Variants in MED23 observed in about 807,000 individuals in gnomAD.
MED23 encodes the protein mediator complex subunit 23.
MED23 carries 105 observed loss-of-function variants against 163.9 expected under a neutral mutation model. The ratio of observed to expected loss-of-function variants is 0.64; its 90% confidence interval spans 0.55 to 0.75. MED23 has a LOEUF of 0.75. Ranked by LOEUF, MED23 falls within the 30% of genes least tolerant of loss-of-function variation. The pLI is 0.00. For missense variants in MED23, 1,054 were observed against 1,649.0 expected (o/e 0.64, Z 6.25); for synonymous variants, 561 against 565.6 (o/e 0.99, Z 0.12).
At chr6:131,595,355 A>C (rs1450772263) in intron 22 of MED23, among the ~76,000 whole-genome samples, 2 of 152,170 alleles carry the variant, frequency 1.3e-5, no homozygotes, top group Non-Finnish European at 2.9e-5. Context: ...TGTCCTTGTA[A>C]TGGCTTCATC....
At position 131,598,159 on chromosome 6, in the gene MED23, G is replaced by C. The variant is rs1303630563; in HGVS notation, c.2607+128C>G. ...AAAATTTCCGGCTCTTTAGGGAAGT[G>C]ACAGCAATGCTTGATATAGTATAAA... is the stretch of plus-strand genomic sequence containing the variant. On this transcript the variant is annotated intron_variant, in intron 20 of 28. Coordinates refer to ENST00000368068, the MANE Select transcript of MED23 (RefSeq NM_004830.4). The surrounding 1 kb of genome is among the most constrained non-coding windows in gnomAD (Gnocchi z 4.7). 1 of 955,104 alleles carries C rather than the reference G, an allele frequency of 1.0e-6. No homozygotes were observed. Among genetic ancestry groups the C allele is most frequent in the Non-Finnish European group, 1.6e-6 (1 of 630,510 alleles). 59.2% of individuals were successfully genotyped at this position (955,104 alleles called of 1,614,324 possible). A position where few individuals can be genotyped will look rare whatever the true frequency, so the allele number is the denominator to read the frequency against.
chr6:131,577,775 T>C (rs2114523578), intron 30 of MED23, among the ~76,000 whole-genome samples: 1 of 151,594 alleles, frequency 6.6e-6, no homozygotes, highest in East Asian at 1.9e-4. Context: ...CGTGGTGGCA[T>C]GAGCCTGTAG....
At chr6:131,580,462 C>G (rs1340723098) in intron 30 of MED23, among the ~76,000 whole-genome samples, 2 of 152,186 alleles carry the variant, frequency 1.3e-5, no homozygotes, top group African/African-American at 2.4e-5. Context: ...TGGGAGAATA[C>G]AGGCATTGTA....
chr6:131,595,341 G>A (rs1053989604), intron 22 of MED23, among the ~76,000 whole-genome samples: 4 of 152,072 alleles, frequency 2.6e-5, no homozygotes, highest in Non-Finnish European at 5.9e-5. Flanking sequence ...TGAGCTTTTT[G>A]ACATGTCCTT....
intron 11 of MED23, 151 bp from the exon 12 acceptor site, chr6:131,608,222 C>T (rs1775999598): frequency 2.7e-6 from 2 of 753,622 alleles, no homozygotes; most frequent in Non-Finnish European, 4.4e-6. Context: ...TTAGTAATTA[C>T]TTAGTCTCAA....
rs539819134 is a variant in MED23, at chr6:131,592,137, G to A, written c.3471+251C>T. On this transcript the variant is annotated intron_variant, in intron 25 of 28. Coordinates refer to ENST00000368068, the MANE Select transcript of MED23 (RefSeq NM_004830.4). ...GTAAAAACTAAAGTTGGATAGGTAA[G>A]GTGGTACCAGAAAATGCAGAGACCC... Among the ~76,000 whole-genome samples the A allele has an allele frequency of 2.0e-5, 3 of 152,294 alleles. No individual in the cohort carries two copies. In the East Asian group the frequency reaches 5.8e-4, roughly 29 times the overall value.
intron 30 of MED23, among the ~76,000 whole-genome samples, chr6:131,578,609 T>G (rs534993955): frequency 6.6e-6 from 1 of 152,284 alleles, no homozygotes; most frequent in South Asian, 2.1e-4. Context: ...TGAGGCAGGT[T>G]CAATGGATAC....
intron 3 of MED23, 97 bp from the exon 4 acceptor site, chr6:131,625,086 G>T (rs976911786): frequency 5.3e-6 from 7 of 1,309,822 alleles, no homozygotes; most frequent in Non-Finnish European, 7.6e-6. Context: ...TACTATGAAA[G>T]AAATACTTCA....
At chr6:131,583,811 G>C (rs760574009), downstream of MED23, 3 of 1,614,078 alleles carry the variant, frequency 1.9e-6, no homozygotes, top group Non-Finnish European at 1.7e-6. Flanking sequence ...GAAGTAACTC[G>C]AACAGTGAAC....
chr6:131,579,286 G>A lies in MED23; in HGVS notation c.4096-4991C>T, dbSNP rs112432420. The A allele has an allele frequency of 6.2e-7, 1 of 1,613,930 alleles. No individual in the cohort carries two copies. Among genetic ancestry groups the A allele is most frequent in the South Asian group, 1.1e-5 (1 of 91,046 alleles). On this transcript the variant is annotated intron_variant, in intron 30 of 30. Coordinates refer to the MED23 transcript ENST00000354577. ...GCCTGGTGCTGGGCGGAGACCACAG[G>A]TCTTGTTGAATAACTGTGTCTATGG...
In MED23 at chr6:131,605,554, TA is replaced by T. The variant is rs1775795027; in HGVS notation, c.1368-70del. On this transcript the variant is annotated intron_variant, in intron 13 of 28. Coordinates refer to ENST00000368068, the MANE Select transcript of MED23 (RefSeq NM_004830.4). ...TCCATAATGTTAATTTGTATTTTTT[TA>T]AAAGTTCAATTTTATGCAATTATTT... 3.7e-6 allele frequency: 5 copies of T among 1,364,660 alleles called. No homozygotes were observed. In the South Asian group the frequency reaches 7.6e-5, roughly 21 times the overall value. The allele number at this position is 1,364,660 out of a possible 1,614,324, so 84.5% of individuals were successfully genotyped here.
At chr6:131,585,582 C>G (rs1249750438), downstream of MED23, among the ~76,000 whole-genome samples, 4 of 152,118 alleles carry the variant, frequency 2.6e-5, no homozygotes. Flanking sequence ...AAATTCAGTT[C>G]CACATTTCAA....
chr6:131,606,838 G>T (rs1018475859), intron 12 of MED23, among the ~76,000 whole-genome samples: 5 of 151,986 alleles, frequency 3.3e-5, no homozygotes, highest in African/African-American at 1.2e-4. Flanking sequence ...GTTTTTACTT[G>T]CTTTAAGTAA....
At chr6:131,592,870 A>C in intron 24 of MED23, 136 bp downstream of exon 24, 1 of 1,046,254 alleles carries the variant, frequency 9.6e-7, no homozygotes, top group Non-Finnish European at 1.4e-6. Flanking sequence ...CAAAGACAAG[A>C]TCTGGAACCA....
chr6:131,587,110 T>C lies in MED23; in HGVS notation c.*569A>G, dbSNP rs1343899547. 4 of 1,265,422 alleles carry C rather than the reference T, an allele frequency of 3.2e-6. No individual in the cohort carries two copies. The African/African-American group carries it at 4.6e-5, about 15-fold the overall frequency. 78.4% of individuals were successfully genotyped at this position (1,265,422 alleles called of 1,614,324 possible). A position where few individuals can be genotyped will look rare whatever the true frequency, so the allele number is the denominator to read the frequency against. ...TAATAAAACTGCCAGTTGACCTTGA[T>C]AGAAACTATGGAAATTTATAATAAA... On this transcript the variant is annotated 3_prime_UTR_variant, in exon 29 of 29. Transcript: ENST00000368068.
At chr6:131,626,417 A>C (rs2114791248) in intron 3 of MED23, among the ~76,000 whole-genome samples, 1 of 152,246 alleles carries the variant, frequency 6.6e-6, no homozygotes, top group African/African-American at 2.4e-5. Context: ...GCTATTTAAA[A>C]AAAAAAGTAA....
chr6:131,623,538 G>T, intron 4 of MED23, 76 bp from the exon 5 acceptor site: 1 of 1,132,258 alleles, frequency 8.8e-7, no homozygotes, highest in South Asian at 1.2e-5. Context: ...AATATGGTTT[G>T]GCTGTGTACT....
chr6:131,596,316 T>C (rs1271525931), intron 21 of MED23, 153 bp from the exon 22 acceptor site: 1 of 859,146 alleles, frequency 1.2e-6, no homozygotes, highest in African/African-American at 1.7e-5. Context: ...TAGAAGTCCT[T>C]ATGTCCACTA....
intron 27 of MED23, among the ~76,000 whole-genome samples, chr6:131,589,825 T>C (rs1774458749): frequency 6.6e-6 from 1 of 152,178 alleles, no homozygotes; most frequent in Non-Finnish European, 1.5e-5. Flanking sequence ...AAAATTTCTC[T>C]TCATAGTTAA....
Sources: allele counts gnomAD v4.1 joint callset (sites outside exome capture counted in the v4.1 genomes callset), GRCh38; gene constraint gnomAD v4.1.1; non-coding constraint Gnocchi (gnomAD v3.1); transcripts MANE v1.5; gene names NCBI Gene and HGNC (gene_info 2026-07-23, HGNC 2026-07-21).